The following HPS1 variants were observed in gnomAD, a reference collection of about 807,000 sequenced individuals.
HPS1 encodes HPS1 biogenesis of lysosomal organelles complex 3 subunit 1.
Under a neutral mutation model 90.6 loss-of-function variants are expected in HPS1, and 59 were observed. The ratio of observed to expected loss-of-function variants is 0.65; its 90% CI spans 0.53 to 0.81. The LOEUF (loss-of-function observed/expected upper bound fraction) is 0.81. Ranked by LOEUF, HPS1 falls within the 30% of genes least tolerant of loss-of-function variation. HPS1 has a pLI of 0.00. For missense variants in HPS1, 849 were observed against 896.7 expected (o/e 0.95, Z 0.68); for synonymous variants, 388 against 384.4 (o/e 1.01, Z -0.11).
chr10:98,444,194 G>C (rs894825766), intron 2 of HPS1, among the ~76,000 whole-genome samples: 3 of 152,078 alleles, frequency 2.0e-5, no homozygotes, highest in African/African-American at 7.2e-5. Flanking sequence ...CCTGTACCTA[G>C]TAGGCTGCAG....
At position 98,417,720 on chromosome 10, in the gene HPS1, G is replaced by A. The variant is rs772350787; in HGVS notation, c.1947C>T (p.Leu649=). 9.3e-6 allele frequency: 15 copies of A among 1,613,780 alleles called. No homozygotes were observed. The South Asian group carries it at 1.5e-4, about 17-fold the overall frequency. The change falls in exon 20 of 20, where the codon CTC becomes CTT. Residue 649 remains leucine, a synonymous_variant. Transcript: ENST00000361490. This position sits in a 1 kb window ranked among gnomAD's most constrained non-coding sequence, Gnocchi z 4.2. ...GGCGGTTCTTGCTGTAGTAGCGCAG[G>A]AGCTTCCTGGGGAGGAAGGGGAGGA... ...GMLGGDYYRK[L]LRYYSKNRPT...
In HPS1 at chr10:98,435,047, G is replaced by C. The variant is rs193096360; in HGVS notation, c.398+225C>G. ...GGATGTGGCCACCAACCAGCTAGAT[G>C]ACCCCAGGCAAGTGAGTTCCATTCT... On this transcript the variant is annotated intron_variant, in intron 5 of 19. Coordinates refer to ENST00000361490, the MANE Select transcript of HPS1 (RefSeq NM_000195.5). This position sits in a 1 kb window ranked among gnomAD's most constrained non-coding sequence, Gnocchi z 4.3. The C allele has an allele frequency of 1.7e-6, 1 of 571,722 alleles. No individual in the cohort carries two copies. The highest frequency in any genetic ancestry group is 3.1e-6 in the Non-Finnish European group (1 of 320,718). 35.4% of individuals were successfully genotyped at this position (571,722 alleles called of 1,614,324 possible). A position where few individuals can be genotyped will look rare whatever the true frequency, so the allele number is the denominator to read the frequency against.
At chr10:98,419,388 GA>G (rs1400669047) in intron 18 of HPS1, among the ~76,000 whole-genome samples, 4 of 152,084 alleles carry the variant, frequency 2.6e-5, no homozygotes, top group Non-Finnish European at 5.9e-5. Context: ...CGAAGAAAGG[GA>G]AAAGACAGAG....
chr10:98,414,980 C>G (rs755397103), downstream of HPS1: 3 of 1,609,664 alleles, frequency 1.9e-6, no homozygotes, highest in Non-Finnish European at 2.5e-6. Flanking sequence ...CGCCCCTCAG[C>G]TCTGGCCCGG....
chr10:98,425,180 G>A (rs1427056924), intron 13 of HPS1, among the ~76,000 whole-genome samples: 1 of 152,236 alleles, frequency 6.6e-6, no homozygotes, highest in African/African-American at 2.4e-5. Context: ...CAGAGAGGAA[G>A]CCCGTGACGG....
chr10:98,443,831 G>A (rs535334732), intron 2 of HPS1, among the ~76,000 whole-genome samples: 25 of 152,240 alleles, frequency 1.6e-4, no homozygotes, highest in African/African-American at 5.8e-4. Context: ...TCAGGAGTTC[G>A]AGACCAGCCT....
intron 10 of HPS1, among the ~76,000 whole-genome samples, chr10:98,428,969 G>A (rs557038712): frequency 6.6e-6 from 1 of 152,030 alleles, no homozygotes; most frequent in South Asian, 2.1e-4. Context: ...AGCCTCCCGA[G>A]TAGCTGGGAT....
Position 98,435,549 on chromosome 10 carries a change from A to T in HPS1, c.255+86T>A. On this transcript the variant is annotated intron_variant, in intron 4 of 19. Coordinates refer to ENST00000361490, the MANE Select transcript of HPS1 (RefSeq NM_000195.5). This position sits in a 1 kb window ranked among gnomAD's most constrained non-coding sequence, Gnocchi z 4.3. ...AGATGCCGTTTCTGCCTTCTAAAGG[A>T]GTCTAAAGTTCCAAATAAGAGAGGC... 6.2e-7 allele frequency: 1 copy of T among 1,607,188 alleles called. No individual in the cohort carries two copies. Among genetic ancestry groups the T allele is most frequent in the Non-Finnish European group, 8.5e-7 (1 of 1,174,106 alleles).
chr10:98,415,142 C>T (rs753344077), downstream of HPS1: 6 of 1,611,980 alleles, frequency 3.7e-6, no homozygotes, highest in Non-Finnish European at 5.1e-6. Flanking sequence ...CCATTTCTGC[C>T]CCAGGCTGGG....
In HPS1 at chr10:98,431,336, T is replaced by C. The variant is rs1260959023; in HGVS notation, c.508-45A>G. ...AGAGGAAGCCATATCACCAACAACC[T>C]TGCCCCACTCCAAGCCCTGGGCTAG... On this transcript the variant is annotated intron_variant, in intron 6 of 19. Coordinates refer to ENST00000361490, the MANE Select transcript of HPS1 (RefSeq NM_000195.5). The C allele has an allele frequency of 3.7e-6, 6 of 1,602,532 alleles. No homozygotes were observed. The South Asian group carries it at 6.7e-5, about 18-fold the overall frequency.
chr10:98,418,255 C>A lies in HPS1; in HGVS notation c.1860G>T (p.Gly620=), dbSNP rs376722018. The change falls in exon 19 of 20, where the codon GGG becomes GGT. Residue 620 remains glycine (G), a splice_region_variant and synonymous_variant. Coordinates refer to ENST00000361490, the MANE Select transcript of HPS1 (RefSeq NM_000195.5). The part of the protein sequence containing the change: ...SYFLWFENDM[G]YKLQMIEVPV... Reference sequence around the variant, plus strand: ...GCACCTCGATCATCTGGAGTTTGTACCCCTGAGGAGGGAGGACAGGGAGGC... The same window carrying A: ...GCACCTCGATCATCTGGAGTTTGTAACCCTGAGGAGGGAGGACAGGGAGGC... 2 of 1,602,360 alleles carry A rather than the reference C, an allele frequency of 1.2e-6. No individual in the cohort carries two copies. The highest frequency in any genetic ancestry group is 2.2e-5 in the South Asian group (2 of 89,760).
rs1333376447 is a variant in HPS1 at position 98,417,799 on chromosome 10, G to T, written c.1941-73C>A. On this transcript the variant is annotated intron_variant, in intron 19 of 19. Coordinates refer to ENST00000361490, the MANE Select transcript of HPS1 (RefSeq NM_000195.5). This position sits in a 1 kb window ranked among gnomAD's most constrained non-coding sequence, Gnocchi z 4.2. ...CCTCCAGCGCCAGAGGCCTCTCTGG[G>T]CCCTCGCAAGCAAATGCCCATGCCC... 4.9e-6 allele frequency: 7 copies of T among 1,420,868 alleles called. No individual in the cohort carries two copies. In the Admixed American group the frequency reaches 1.0e-4, roughly 21 times the overall value. The allele number at this position is 1,420,868 out of a possible 1,614,324, so 88.0% of individuals were successfully genotyped here. A position where few individuals can be genotyped will look rare whatever the true frequency, so the allele number is the denominator to read the frequency against.
At position 98,417,696 on chromosome 10, in the gene HPS1, G is replaced by A. The variant is rs1209970754; in HGVS notation, c.1971C>T (p.Arg657=). 1 of 1,613,926 alleles carries A rather than the reference G, an allele frequency of 6.2e-7. No individual in the cohort carries two copies. Among genetic ancestry groups the A allele is most frequent in the South Asian group, 1.1e-5 (1 of 91,074 alleles). The part of the protein sequence containing the change: ...RKLLRYYSKN[R]PTEAVRCYEL... ...CGTAGCACCTGACAGCCTCGGTTGGGCGGTTCTTGCTGTAGTAGCGCAGGA... is the reference window on the plus strand; with the variant it reads ...CGTAGCACCTGACAGCCTCGGTTGGACGGTTCTTGCTGTAGTAGCGCAGGA... Residue 657 remains arginine, a synonymous_variant, in exon 20 of 20, where the codon CGC becomes CGT. Coordinates refer to ENST00000361490, the MANE Select transcript of HPS1 (RefSeq NM_000195.5). This position sits in a 1 kb window ranked among gnomAD's most constrained non-coding sequence, Gnocchi z 4.2.
At chr10:98,446,601 T>C (rs116197742) in intron 1 of HPS1, among the ~76,000 whole-genome samples, 2,186 of 152,262 alleles carry the variant, frequency 0.014, 19 homozygotes, top group Middle Eastern at 0.031. Flanking sequence ...CACGCCAGTT[T>C]CTGTCCAGTT....
chr10:98,414,043 TATGTACGTAACACATATACATATATATAC>T (rs1471526151), downstream of HPS1: 1 of 151,990 alleles, frequency 6.6e-6, no homozygotes, highest in East Asian at 1.9e-4. Context: ...TGTGTATATA[TATGTACGTAACACATATACATATATATAC>T]ACATATATGT....
At chr10:98,441,586 G>A (rs1279185351) in intron 3 of HPS1, among the ~76,000 whole-genome samples, 2 of 152,050 alleles carry the variant, frequency 1.3e-5, no homozygotes, top group Admixed American at 1.3e-4. Context: ...GCCACAAACT[G>A]AAAGAAAATA....
rs115849887 is a variant in HPS1 at position 98,438,966 on chromosome 10, G to A, written c.118-3194C>T. ...TGCGTCCTAGCCATGGCTAAAAGGT[G>A]CCAACATATAGCTCTGGCTGTTGTT... is the stretch of plus-strand genomic sequence containing the variant. On this transcript the variant is annotated intron_variant, in intron 3 of 19. Transcript: ENST00000361490. Among the ~76,000 whole-genome samples, 298 of 152,304 alleles carry A rather than the reference G, an allele frequency of 2.0e-3. 1 individual carries two copies. Among genetic ancestry groups the A allele is most frequent in the African/African-American group, 6.9e-3 (285 of 41,574 alleles).
rs1255643564 is a variant in HPS1 at position 98,416,613 on chromosome 10, C to A, written c.*951G>T. On this transcript the variant is annotated 3_prime_UTR_variant, in exon 20 of 20. Coordinates refer to ENST00000361490, the MANE Select transcript of HPS1 (RefSeq NM_000195.5). ...ACAGAAGGCGAGGCTCCTGCATGCACAGCACACGGCCATCTGATCCTGTGC... is the reference window on the plus strand; with the variant it reads ...ACAGAAGGCGAGGCTCCTGCATGCAAAGCACACGGCCATCTGATCCTGTGC... 1 of 152,392 alleles carries A rather than the reference C, an allele frequency of 6.6e-6. No homozygotes were observed. The highest frequency in any genetic ancestry group is 1.5e-5 in the Non-Finnish European group (1 of 68,066). 9.4% of individuals were successfully genotyped at this position (152,392 alleles called of 1,614,324 possible).
intron 16 of HPS1, among the ~76,000 whole-genome samples, 170 bp from the exon 17 acceptor site, chr10:98,422,683 C>T (rs895338456): frequency 6.6e-6 from 1 of 152,230 alleles, no homozygotes; most frequent in Non-Finnish European, 1.5e-5. Context: ...AGATCCCCCA[C>T]TACCTCCAAG....
Sources: allele counts gnomAD v4.1 joint callset (sites outside exome capture counted in the v4.1 genomes callset), GRCh38; gene constraint gnomAD v4.1.1; non-coding constraint Gnocchi (gnomAD v3.1); transcripts MANE v1.5; gene names NCBI Gene and HGNC (gene_info 2026-07-23, HGNC 2026-07-21).